Variants in ARHGEF4 observed in about 807,000 individuals in gnomAD.
The protein encoded by ARHGEF4 is APC-stimulated guanine nucleotide exchange factor 1.
Under a neutral mutation model 162.0 loss-of-function variants are expected in ARHGEF4, and 119 were observed. That is an observed-to-expected ratio of 0.73 (90% CI 0.63 to 0.86). ARHGEF4 has a LOEUF of 0.86. ARHGEF4 is among the 40% of genes least tolerant of loss of function. The pLI, the probability that ARHGEF4 is intolerant of heterozygous loss-of-function variation, is 0.00. For missense variants in ARHGEF4, 2,488 were observed against 2,456.0 expected (o/e 1.01, Z -0.28); for synonymous variants, 1,014 against 979.9 (o/e 1.03, Z -0.65).
chr2:131,041,558 C>A, intron 9 of ARHGEF4, 96 bp downstream of exon 9: 2 of 1,313,296 alleles, frequency 1.5e-6, no homozygotes, highest in Non-Finnish European at 2.1e-6. Context: ...CTGCTGCAGC[C>A]CTGGGGCAAC....
At chr2:130,956,560 G>A (rs936634854) in intron 4 of ARHGEF4, among the ~76,000 whole-genome samples, 2 of 149,700 alleles carry the variant, frequency 1.3e-5, no homozygotes, top group Non-Finnish European at 3.0e-5. Context: ...GCAAAGACTT[G>A]GAACCAACCC....
intron 5 of ARHGEF4, among the ~76,000 whole-genome samples, chr2:131,031,296 C>G (rs1398010671): frequency 2.0e-5 from 3 of 152,250 alleles, no homozygotes; most frequent in African/African-American, 4.8e-5. Flanking sequence ...TGCAAACCCT[C>G]TGGCCTGGAG....
chr2:130,922,247 T>A (rs1039021745), intron 2 of ARHGEF4, among the ~76,000 whole-genome samples: 4 of 151,474 alleles, frequency 2.6e-5, no homozygotes, highest in Non-Finnish European at 5.9e-5. Flanking sequence ...GGCGCATGCA[T>A]ATAATCGCAG....
intron 1 of ARHGEF4, among the ~76,000 whole-genome samples, chr2:130,872,691 G>A (rs1678569637): frequency 6.6e-6 from 1 of 152,328 alleles, no homozygotes; most frequent in East Asian, 1.9e-4. Context: ...CTCAGCAGAG[G>A]GAAGAATTTC....
intron 1 of ARHGEF4, among the ~76,000 whole-genome samples, chr2:130,855,084 A>G (rs1011097277): frequency 1.6e-4 from 24 of 151,266 alleles, no homozygotes; most frequent in Admixed American, 3.3e-4. Context: ...TTCACCATTC[A>G]TAGGATGGCC....
intron 3 of ARHGEF4, among the ~76,000 whole-genome samples, chr2:130,932,371 C>A (rs1339376072): frequency 1.3e-5 from 2 of 152,074 alleles, no homozygotes; most frequent in African/African-American, 4.8e-5. Context: ...ACCATGCCCA[C>A]CTAATTTTTG....
At chr2:131,016,290 A>G (rs1007384179) in intron 4 of ARHGEF4, among the ~76,000 whole-genome samples, 2 of 152,110 alleles carry the variant, frequency 1.3e-5, no homozygotes, top group African/African-American at 4.8e-5. Flanking sequence ...CCAGACCCCC[A>G]TCACCTTCAC....
At chr2:130,967,757 G>A (rs1290146031) in intron 4 of ARHGEF4, among the ~76,000 whole-genome samples, 1 of 152,202 alleles carries the variant, frequency 6.6e-6, no homozygotes. Context: ...TAAGCACGCT[G>A]ACAGAAGCTC....
chr2:131,007,562 C>T (rs980265945), intron 4 of ARHGEF4, among the ~76,000 whole-genome samples: 1 of 152,138 alleles, frequency 6.6e-6, no homozygotes, highest in African/African-American at 2.4e-5. Context: ...TCCAACATAA[C>T]AGAAAATAAT....
intron 4 of ARHGEF4, among the ~76,000 whole-genome samples, chr2:130,990,110 C>T (rs1686842574): frequency 6.6e-6 from 1 of 152,154 alleles, no homozygotes. Context: ...TGGATAGTAA[C>T]TGAAGTTTTT....
chr2:130,930,037 G>GT (rs35301464), intron 2 of ARHGEF4, among the ~76,000 whole-genome samples: 1 of 151,792 alleles, frequency 6.6e-6, no homozygotes, highest in Non-Finnish European at 1.5e-5. Flanking sequence ...GGGACTACAG[G>GT]GCCCACCACC....
intron 10 of ARHGEF4, among the ~76,000 whole-genome samples, chr2:131,042,540 C>T (rs1164101714): frequency 2.6e-5 from 4 of 152,104 alleles, no homozygotes; most frequent in African/African-American, 4.8e-5. Flanking sequence ...CCACCATGCA[C>T]CAGCTGTCAG....
chr2:130,911,719 G>A (rs1361863974), intron 1 of ARHGEF4, among the ~76,000 whole-genome samples: 1 of 152,152 alleles, frequency 6.6e-6, no homozygotes, highest in Non-Finnish European at 1.5e-5. Flanking sequence ...CATTGAGACT[G>A]AGGGAGGCCT....
intron 1 of ARHGEF4, among the ~76,000 whole-genome samples, chr2:130,903,613 C>T (rs551146982): frequency 1.1e-4 from 16 of 152,188 alleles, no homozygotes; most frequent in South Asian, 2.1e-4. Context: ...TGTTGCATGA[C>T]GCTGAGGTTT....
At chr2:130,897,066 C>T (rs1429478845) in intron 1 of ARHGEF4, among the ~76,000 whole-genome samples, 3 of 152,186 alleles carry the variant, frequency 2.0e-5, no homozygotes. Flanking sequence ...CAGGCACCTG[C>T]AGTGAAAGCG....
chr2:130,979,756 A>C (rs941593210), intron 4 of ARHGEF4, among the ~76,000 whole-genome samples: 1 of 148,148 alleles, frequency 6.8e-6, no homozygotes, highest in Non-Finnish European at 1.5e-5. Context: ...AAAAAAAAAA[A>C]CCTGAAATTT....
intron 4 of ARHGEF4, among the ~76,000 whole-genome samples, chr2:131,025,588 A>G (rs1397067503): frequency 1.3e-5 from 2 of 152,170 alleles, no homozygotes; most frequent in Non-Finnish European, 2.9e-5. Flanking sequence ...CATCTGTTTC[A>G]TCACCATTTA....
At chr2:130,913,921 G>A (rs989439427) in intron 1 of ARHGEF4, 65 bp from the exon 2 acceptor site, 10 of 1,510,554 alleles carry the variant, frequency 6.6e-6, no homozygotes, top group East Asian at 2.5e-5. Context: ...AGGCAGGCAC[G>A]GTGTAAACAT....
At chr2:130,936,346 G>A (rs1338580865) in intron 3 of ARHGEF4, among the ~76,000 whole-genome samples, 3 of 152,094 alleles carry the variant, frequency 2.0e-5, no homozygotes, top group African/African-American at 7.2e-5. Context: ...TCAGTTTGTA[G>A]GTACGTATGT....
Sources: allele counts gnomAD v4.1 joint callset (sites outside exome capture counted in the v4.1 genomes callset), GRCh38; gene constraint gnomAD v4.1.1; transcripts MANE v1.5; gene names NCBI Gene and HGNC (gene_info 2026-07-23, HGNC 2026-07-21).